Variants in LRTM3 observed in about 807,000 individuals in gnomAD.
LRTM3 encodes the protein leucine rich repeat transmembrane protein 3, also known as leucine-rich repeat transmembrane protein 3.
the LRTM3 span, chr13:102,741,015 C>T: frequency 9.8e-4 from 1,521 of 1,550,108 alleles, 23 homozygotes; most frequent in African/African-American, 0.019. Context: ...GATGCTTTCT[C>T]TACCATTGGG....
the LRTM3 span, chr13:102,735,195 G>A: frequency 2.6e-6 from 4 of 1,551,284 alleles, no homozygotes; most frequent in Non-Finnish European, 3.5e-6. Flanking sequence ...TGTAAGACAG[G>A]CGATTTCTTT....
At chr13:102,748,313 C>T in the LRTM3 span, 1 of 1,551,158 alleles carries the variant, frequency 6.4e-7, no homozygotes, top group South Asian at 1.2e-5. Flanking sequence ...CAGATTTACA[C>T]TTTCTGTATT....
At chr13:102,739,498 A>C in the LRTM3 span, 2 of 1,550,284 alleles carry the variant, frequency 1.3e-6, no homozygotes, top group Non-Finnish European at 1.7e-6. Flanking sequence ...TTGAATTACT[A>C]TGTGATAGAG....
chr13:102,752,341 A>T, the LRTM3 span, among the ~76,000 whole-genome samples: 1 of 152,082 alleles, frequency 6.6e-6, no homozygotes, highest in Non-Finnish European at 1.5e-5. Flanking sequence ...AGTATTATCC[A>T]CCTCGTTCAG....
the LRTM3 span, chr13:102,745,846 A>C: frequency 6.4e-7 from 1 of 1,551,120 alleles, no homozygotes; most frequent in Admixed American, 2.0e-5. Context: ...GATCCAGTGT[A>C]GGGCATGAAG....
the LRTM3 span, chr13:102,744,376 A>G: frequency 6.5e-7 from 1 of 1,550,272 alleles, no homozygotes; most frequent in Non-Finnish European, 8.7e-7. Flanking sequence ...CAGAAATAGA[A>G]CTATCCCATT....
At chr13:102,746,073 C>CT in the LRTM3 span, 1 of 1,551,094 alleles carries the variant, frequency 6.4e-7, no homozygotes, top group Non-Finnish European at 8.7e-7. Flanking sequence ...GTTTCGTTGG[C>CT]TTTTTGTAGT....
At chr13:102,741,669 T>A in the LRTM3 span, 7 of 1,550,366 alleles carry the variant, frequency 4.5e-6, no homozygotes, top group Non-Finnish European at 6.1e-6. Context: ...TGTTGAGAAG[T>A]ATCCAACTCT....
the LRTM3 span, chr13:102,745,300 A>G: frequency 6.5e-7 from 1 of 1,550,378 alleles, no homozygotes; most frequent in Non-Finnish European, 8.7e-7. Context: ...GTGAAGTAAT[A>G]CTATCTTCAT....
the LRTM3 span, chr13:102,738,984 TATC>T: frequency 4.5e-6 from 7 of 1,550,564 alleles, no homozygotes; most frequent in Non-Finnish European, 5.2e-6. Context: ...CTGCTTAAAC[TATC>T]ATCAATTGGC....
the LRTM3 span, chr13:102,735,487 C>A: frequency 2.6e-6 from 4 of 1,551,290 alleles, no homozygotes; most frequent in Non-Finnish European, 3.5e-6. Flanking sequence ...TAATGCTTGG[C>A]AGTCCTTTAA....
chr13:102,740,159 G>T, the LRTM3 span: 16 of 1,547,538 alleles, frequency 1.0e-5, no homozygotes, highest in Non-Finnish European at 1.3e-5. Context: ...TCTTAACTTG[G>T]GTGAGCTATT....
the LRTM3 span, chr13:102,749,612 TG>T: frequency 6.4e-7 from 1 of 1,551,410 alleles, no homozygotes; most frequent in Non-Finnish European, 8.7e-7. Context: ...ATCCAGATCT[TG>T]GGACTGGAAG....
At chr13:102,752,356 A>C in the LRTM3 span, among the ~76,000 whole-genome samples, 1 of 152,232 alleles carries the variant, frequency 6.6e-6, no homozygotes, top group African/African-American at 2.4e-5. Context: ...GTTCAGCATG[A>C]TTTCCTGTCT....
the LRTM3 span, chr13:102,747,118 T>A: frequency 1.3e-6 from 2 of 1,550,812 alleles, no homozygotes; most frequent in East Asian, 4.9e-5. Flanking sequence ...TAGCATCTAG[T>A]GTGTTTTGGG....
the LRTM3 span, chr13:102,743,102 A>G: frequency 2.6e-6 from 4 of 1,550,264 alleles, no homozygotes; most frequent in East Asian, 2.4e-5. Context: ...TGTGTTTGCC[A>G]TGAAGTTTTC....
At chr13:102,755,099 C>T in the LRTM3 span, among the ~76,000 whole-genome samples, 3 of 152,110 alleles carry the variant, frequency 2.0e-5, no homozygotes, top group African/African-American at 7.2e-5. Context: ...GAGACGATAC[C>T]TGGTCAGCTC....
the LRTM3 span, chr13:102,733,099 C>T: frequency 1.1e-5 from 17 of 1,551,400 alleles, no homozygotes; most frequent in East Asian, 2.2e-4. Context: ...CATCTGTTTC[C>T]GATGGTGTCT....
chr13:102,746,354 G>A, the LRTM3 span: 5 of 1,550,572 alleles, frequency 3.2e-6, no homozygotes, highest in Non-Finnish European at 4.4e-6. Context: ...GCTATTCTTA[G>A]CAAAGACATC....
Sources: gnomAD v4.1 joint callset for allele counts (sites outside exome capture counted in the v4.1 genomes callset) on GRCh38, gnomAD v4.1.1 for gene constraint, MANE v1.5 for transcripts, NCBI Gene and HGNC (gene_info 2026-07-23, HGNC 2026-07-21) for gene names.